The following PIMREG variants were observed in gnomAD, a reference collection of about 807,000 sequenced individuals.
PIMREG encodes the protein PICALM interacting mitotic regulator.
In PIMREG, 19 loss-of-function variants were observed where a neutral mutation model predicts 24.3. The ratio of observed to expected loss-of-function variants is 0.78; its 90% CI spans 0.54 to 1.15. The LOEUF (loss-of-function observed/expected upper bound fraction) is 1.15. Among genes scored for constraint, PIMREG ranks in the 50% most tolerant of loss-of-function variants. PIMREG has a pLI of 0.00. For missense variants in PIMREG, 283 were observed against 306.8 expected, an observed-to-expected ratio of 0.92 and a Z score of 0.58; for synonymous variants, 112 against 124.1, an observed-to-expected ratio of 0.90 and a Z score of 0.65.
rs112887117 is a variant in PIMREG, at chr17:6,450,051, A to G, written c.710A>G (p.His237Arg). Residue 237 changes from histidine to arginine, a missense_variant, in exon 5 of 6, where the codon CAT (histidine) becomes CGT (arginine). His to Arg is a conservative substitution (Grantham distance 29, BLOSUM62 0). Transcript: ENST00000572447. ...AGTGGTGACATCGTCTCTCTCATTC[A>G]TGACTGAGGAAGTGCCTGCAGGTAA... ...EESGDIVSLI[H>R]D is the part of the protein sequence containing the mutation. The G allele has an allele frequency of 6.8e-6, 11 of 1,614,128 alleles. No individual in the cohort carries two copies. In the African/African-American group the frequency reaches 9.3e-5, roughly 14 times the overall value.
At chr17:6,449,778 G>C in intron 4 of PIMREG, 1 of 1,414,512 alleles carries the variant, frequency 7.1e-7, no homozygotes, top group Non-Finnish European at 9.2e-7. Context: ...TGGAGTTCCT[G>C]GTCTGTCTGC....
At chr17:6,449,716 C>G in intron 4 of PIMREG, 1 of 1,396,230 alleles carries the variant, frequency 7.2e-7, no homozygotes, top group African/African-American at 1.4e-5. Flanking sequence ...CTCTCCGTGG[C>G]TCGTCTGTGC....
chr17:6,447,645 G>A lies in PIMREG; in HGVS notation c.477G>A (p.Glu159=). ...AHSAADPWEK[E]HHRLSVRMGS... ...CAGCCGCAGACCCCTGGGAGAAGGA[G>A]CATCACCGCCTCTCTGTCCGGATGG... is the stretch of plus-strand genomic sequence containing the variant. Residue 159 remains glutamate (E), a synonymous_variant, in exon 3 of 6, where the codon GAG becomes GAA. Coordinates refer to ENST00000572447, the MANE Select transcript of PIMREG (RefSeq NM_019013.3). The A allele has an allele frequency of 6.2e-7, 1 of 1,613,522 alleles. No individual in the cohort carries two copies. Among genetic ancestry groups the A allele is most frequent in the Non-Finnish European group, 8.5e-7 (1 of 1,179,744 alleles).
chr17:6,449,864 T>C, intron 4 of PIMREG, 164 bp from the exon 5 acceptor site: 1 of 1,388,940 alleles, frequency 7.2e-7, no homozygotes, highest in Non-Finnish European at 9.6e-7. Context: ...ATTCCACTTG[T>C]ATAATGGCCA....
chr17:6,446,159 G>T (rs1049401607), intron 2 of PIMREG: 13 of 401,076 alleles, frequency 3.2e-5, no homozygotes, highest in Non-Finnish European at 5.7e-5. Context: ...AATGAGAGCT[G>T]CTGTCAGGAA....
At chr17:6,446,882 TAGAC>T (rs1913591896) in intron 2 of PIMREG, among the ~76,000 whole-genome samples, 1 of 152,134 alleles carries the variant, frequency 6.6e-6, no homozygotes, top group Non-Finnish European at 1.5e-5. Flanking sequence ...AGTTTGGACT[TAGAC>T]AAACAGGCTC....
In PIMREG at chr17:6,444,672, C is replaced by A. The variant is rs1429161932; in HGVS notation, c.-36+184C>A. On this transcript the variant is annotated intron_variant, in intron 1 of 5. Transcript: ENST00000572447. The surrounding 1 kb of genome is among the most constrained non-coding windows in gnomAD (Gnocchi z 4.3). ...GTCTGGGTACCACAAGAAGTCGGAT[C>A]GAAATCGGGGCGTCTGGTGGGAAGG... 6.6e-6 allele frequency among the ~76,000 whole-genome samples: 1 copy of A among 151,958 alleles called. No individual in the cohort carries two copies.
chr17:6,445,015 T>G, intron 1 of PIMREG, 61 bp from the exon 2 acceptor site: 1 of 1,326,944 alleles, frequency 7.5e-7, no homozygotes, highest in Non-Finnish European at 1.0e-6. Flanking sequence ...AGGGTCTCTG[T>G]GGGGCCTGGG....
Position 6,445,385 on chromosome 17 carries a change from C to T in PIMREG, c.275C>T (p.Ala92Val), listed in dbSNP as rs1284720304. The T allele has an allele frequency of 3.1e-6, 5 of 1,611,724 alleles. No individual in the cohort carries two copies. Among genetic ancestry groups the T allele is most frequent in the Non-Finnish European group, 4.2e-6 (5 of 1,178,476 alleles). The change falls in exon 2 of 6, where the codon GCT becomes GTT. Residue 92 changes from alanine (A) to valine (V), a missense_variant. Transcript: ENST00000572447. Reference protein sequence around the residue: ...LQAAARSAKSALGAVSQRIQE... With the variant: ...LQAAARSAKSVLGAVSQRIQE... ...GCTGCAGCTCGCTCAGCTAAGAGTG[C>T]TTTGGGTGCCGTGTCCCAGGTAATA... is the stretch of plus-strand genomic sequence containing the variant.
chr17:6,446,177 T>A (rs1473724934), intron 2 of PIMREG: 1 of 401,094 alleles, frequency 2.5e-6, no homozygotes, highest in Non-Finnish European at 4.4e-6. Context: ...GAAGACGTCC[T>A]TATATTGGAT....
rs746673933 is a variant in PIMREG at position 6,447,630 on chromosome 17, C to A, written c.462C>A (p.Asp154Glu). The part of the protein sequence containing the change: ...SGAAPAHSAA[D>E]PWEKEHHRLS... Reference sequence around the variant, plus strand: ...CCGCCCCTGCCCACTCAGCCGCAGACCCCTGGGAGAAGGAGCATCACCGCC... The same window carrying A: ...CCGCCCCTGCCCACTCAGCCGCAGAACCCTGGGAGAAGGAGCATCACCGCC... Residue 154 changes from aspartate (D) to glutamate (E), a missense_variant, in exon 3 of 6, where the codon GAC becomes GAA. Coordinates refer to ENST00000572447, the MANE Select transcript of PIMREG (RefSeq NM_019013.3). 2 of 1,613,930 alleles carry A rather than the reference C, an allele frequency of 1.2e-6. No homozygotes were observed. Among genetic ancestry groups the A allele is most frequent in the South Asian group, 2.2e-5 (2 of 91,086 alleles).
intron 4 of PIMREG, chr17:6,449,807 G>A: frequency 7.0e-7 from 1 of 1,425,288 alleles, no homozygotes; most frequent in Non-Finnish European, 9.1e-7. Flanking sequence ...CCATCCTGGG[G>A]GCAGGGCCTC....
Position 6,444,996 on chromosome 17 carries a change from C to T in PIMREG, c.-35-80C>T, listed in dbSNP as rs1432020746. 8.4e-7 allele frequency: 1 copy of T among 1,188,856 alleles called. No homozygotes were observed. Among genetic ancestry groups the T allele is most frequent in the Non-Finnish European group, 1.1e-6 (1 of 883,692 alleles). The allele number at this position is 1,188,856 out of a possible 1,614,324, so 73.6% of individuals were successfully genotyped here. The stretch of plus-strand genomic sequence containing the variant: ...CACCCCGCTGCATCCCGTCTCTTCC[C>T]CTGTGTCCAGGGTCTCTGTGGGGCC... On this transcript the variant is annotated intron_variant, in intron 1 of 5. Transcript: ENST00000572447. The surrounding 1 kb of genome is among the most constrained non-coding windows in gnomAD (Gnocchi z 4.3).
chr17:6,450,302 G>A, intron 5 of PIMREG, 60 bp from the exon 6 acceptor site: 1 of 1,461,654 alleles, frequency 6.8e-7, no homozygotes, highest in African/African-American at 1.4e-5. Flanking sequence ...AGTGAGCAGG[G>A]AAAGGCATCC....
chr17:6,447,278 A>T, intron 2 of PIMREG, 185 bp from the exon 3 acceptor site: 2 of 627,148 alleles, frequency 3.2e-6, no homozygotes, highest in Non-Finnish European at 5.4e-6. Flanking sequence ...CGCCTGGCTA[A>T]TTTTTTTTTG....
intron 4 of PIMREG, 98 bp from the exon 5 acceptor site, chr17:6,449,930 T>C: frequency 6.8e-7 from 1 of 1,466,400 alleles, no homozygotes; most frequent in Admixed American, 1.7e-5. Flanking sequence ...GCCATATTCC[T>C]ACCACATTTC....
In PIMREG at chr17:6,445,081, A is replaced by G. The variant is rs763881048; in HGVS notation, c.-30A>G. ...CCTTTCGCCCTCCTCCCCAGGGTCT[A>G]GTGGACAGAGAAGACTCTTGGCCAG... On this transcript the variant is annotated 5_prime_UTR_variant, in exon 2 of 6. Coordinates refer to ENST00000572447, the MANE Select transcript of PIMREG (RefSeq NM_019013.3). 4.5e-6 allele frequency: 7 copies of G among 1,549,918 alleles called. No homozygotes were observed. The South Asian group carries it at 8.6e-5, about 19-fold the overall frequency.
rs1371056143 is a variant in PIMREG at position 6,447,677 on chromosome 17, A to G, written c.509A>G (p.His170Arg). ...HHRLSVRMGS[H>R]AHPLRRSRRE... ...CGCCTCTCTGTCCGGATGGGCTCACATGCCCACCCATTACGGCGATCAAGG... is the reference window on the plus strand; with the variant it reads ...CGCCTCTCTGTCCGGATGGGCTCACGTGCCCACCCATTACGGCGATCAAGG... Residue 170 changes from histidine (H) to arginine (R), a missense_variant, in exon 3 of 6, where the codon CAT becomes CGT. Transcript: ENST00000572447. The G allele has an allele frequency of 5.0e-6, 8 of 1,614,184 alleles. No homozygotes were observed. Among genetic ancestry groups the G allele is most frequent in the Non-Finnish European group, 2.5e-6 (3 of 1,180,024 alleles).
rs1242240426 is a variant in PIMREG, at chr17:6,450,453, A to C, written c.*106A>C. ...CTGGAAAAAACCCCCGGGAGTCGTCAGTACCCCTGGGCCACTGCTAACAAG... is the reference window on the plus strand; with the variant it reads ...CTGGAAAAAACCCCCGGGAGTCGTCCGTACCCCTGGGCCACTGCTAACAAG... On this transcript the variant is annotated 3_prime_UTR_variant, in exon 6 of 6. Transcript: ENST00000572447. 5.2e-6 allele frequency: 8 copies of C among 1,542,582 alleles called. No homozygotes were observed. Among genetic ancestry groups the C allele is most frequent in the Non-Finnish European group, 6.1e-6 (7 of 1,146,904 alleles).
Sources: gnomAD v4.1 joint callset for allele counts (sites outside exome capture counted in the v4.1 genomes callset) on GRCh38, gnomAD v4.1.1 for gene constraint, Gnocchi (gnomAD v3.1) non-coding constraint, MANE v1.5 for transcripts, NCBI Gene and HGNC (gene_info 2026-07-23, HGNC 2026-07-21) for gene names.